Variants in BAZ2B observed in about 807,000 individuals in gnomAD.
BAZ2B encodes bromodomain adjacent to zinc finger domain 2B.
A neutral mutation model predicts 246.0 loss-of-function variants in BAZ2B; 91 were observed. The observed-to-expected ratio is 0.37, with a 90% CI of 0.31 to 0.44. BAZ2B has a LOEUF of 0.44. Ranked by LOEUF, BAZ2B falls within the 20% of genes least tolerant of loss-of-function variation. BAZ2B has a pLI of 1.00. For synonymous variants in BAZ2B, 855 were observed against 860.0 expected (o/e 0.99, Z 0.10); for missense variants, 2,332 against 2,533.7 (o/e 0.92, Z 1.71).
chr2:159,677,404 T>G, the BAZ2B span, among the ~76,000 whole-genome samples: 1 of 152,146 alleles, frequency 6.6e-6, no homozygotes, highest in Non-Finnish European at 1.5e-5. Flanking sequence ...TCTAATTATA[T>G]GTAGAAGACA....
chr2:159,617,219 TA>T (rs1238360255), upstream of BAZ2B: 1 of 152,084 alleles, frequency 6.6e-6, no homozygotes, highest in Non-Finnish European at 1.5e-5. Context: ...AAGTTATGAG[TA>T]AGACTGGTAG....
chr2:159,352,826 C>T (rs1321554287), intron 27 of BAZ2B, among the ~76,000 whole-genome samples: 1 of 152,120 alleles, frequency 6.6e-6, no homozygotes, highest in Non-Finnish European at 1.5e-5. Context: ...AAATGCTTAG[C>T]ATGGTGGCCA....
the BAZ2B span, among the ~76,000 whole-genome samples, chr2:159,641,349 GC>G: frequency 8.5e-5 from 13 of 152,092 alleles, no homozygotes; most frequent in Admixed American, 7.9e-4. Context: ...TGATTGTTGG[GC>G]CACATGTATG....
At chr2:159,318,810 C>T (rs191888755), downstream of BAZ2B, among the ~76,000 whole-genome samples, 77 of 152,162 alleles carry the variant, frequency 5.1e-4, no homozygotes, top group African/African-American at 1.8e-3. Context: ...TTTCAGGCTA[C>T]AGAAGTTTGG....
At chr2:159,418,785 GCTTCC>G (rs1199330984) in intron 13 of BAZ2B, among the ~76,000 whole-genome samples, 3 of 152,182 alleles carry the variant, frequency 2.0e-5, no homozygotes, top group Admixed American at 6.5e-5. Flanking sequence ...TAGATGCCCA[GCTTCC>G]CAAGTTAACA....
chr2:159,549,318 A>T (rs2087807712), intron 2 of BAZ2B, among the ~76,000 whole-genome samples: 1 of 152,036 alleles, frequency 6.6e-6, no homozygotes. Flanking sequence ...AAACTAAAAC[A>T]TTTACATGTC....
chr2:159,471,746 A>C (rs990183201), intron 3 of BAZ2B, among the ~76,000 whole-genome samples: 4 of 152,234 alleles, frequency 2.6e-5, no homozygotes, highest in Non-Finnish European at 4.4e-5. Context: ...AGTCCTTTAT[A>C]ATCTTTAATA....
chr2:159,673,252 T>A, the BAZ2B span, among the ~76,000 whole-genome samples: 1 of 152,126 alleles, frequency 6.6e-6, no homozygotes, highest in Non-Finnish European at 1.5e-5. Flanking sequence ...CTTAAACATA[T>A]GAAAATACAT....
At chr2:159,586,107 TACA>T (rs896865876) in intron 1 of BAZ2B, among the ~76,000 whole-genome samples, 48 of 152,346 alleles carry the variant, frequency 3.2e-4, no homozygotes, top group African/African-American at 1.1e-3. Flanking sequence ...CTAATTATTT[TACA>T]ACATCAGCTT....
At chr2:159,348,225 C>G (rs2058168087) in intron 30 of BAZ2B, among the ~76,000 whole-genome samples, 1 of 144,496 alleles carries the variant, frequency 6.9e-6, no homozygotes, top group Non-Finnish European at 1.5e-5. Flanking sequence ...AAGGCTGAGG[C>G]AGGAAGATTG....
chr2:159,703,566 A>G, the BAZ2B span, among the ~76,000 whole-genome samples: 1 of 152,210 alleles, frequency 6.6e-6, no homozygotes, highest in East Asian at 1.9e-4. Context: ...CGCTGAGTTA[A>G]ATATCCTTTA....
At chr2:159,325,115 TTTTATATATATATATATATATA>T (rs2063469283) in intron 35 of BAZ2B, among the ~76,000 whole-genome samples, 161 bp from the exon 36 acceptor site, 3 of 3,314 alleles carry the variant, frequency 9.1e-4, no homozygotes, top group African/African-American at 8.2e-4. Flanking sequence ...TATATATATA[TTTTATATATATATATATATATA>T]TATATATATA....
chr2:159,356,266 G>T (rs2059101604), intron 27 of BAZ2B, among the ~76,000 whole-genome samples: 3 of 152,238 alleles, frequency 2.0e-5, no homozygotes, highest in African/African-American at 7.2e-5. Context: ...AAGCACAGCA[G>T]TCTGAAGTCG....
At chr2:159,386,204 T>C (rs1037532400) in intron 22 of BAZ2B, 149 bp downstream of exon 22, 12 of 913,236 alleles carry the variant, frequency 1.3e-5, no homozygotes, top group Admixed American at 3.1e-5. Flanking sequence ...GTATGAAGTG[T>C]AACCTGACAC....
chr2:159,684,278 A>C, the BAZ2B span, among the ~76,000 whole-genome samples: 1 of 152,226 alleles, frequency 6.6e-6, no homozygotes, highest in African/African-American at 2.4e-5. Flanking sequence ...ATGAACACTG[A>C]TGTGCAGCTT....
chr2:159,448,216 TACTTC>T, intron 5 of BAZ2B, 21 bp downstream of exon 5: 2 of 1,598,226 alleles, frequency 1.3e-6, no homozygotes, highest in Non-Finnish European at 1.7e-6. Flanking sequence ...AGATTTATAG[TACTTC>T]ACTTATGTAA....
At chr2:159,569,729 G>A (rs1030901443) in intron 1 of BAZ2B, among the ~76,000 whole-genome samples, 61 of 152,064 alleles carry the variant, frequency 4.0e-4, no homozygotes, top group African/African-American at 1.4e-3. Flanking sequence ...GGAGGCTGAG[G>A]TGATAGGAAT....
rs577427060 is a variant in BAZ2B, at chr2:159,375,481, TG to T, written c.4006-729del. ...AGGTAAGGTAGGAGATGAGGCAAGA[TG>T]AGTTTAAGGCTAGATTTTGAAGAGC... On this transcript the variant is annotated intron_variant, in intron 25 of 36. Transcript: ENST00000392783. 9.8e-5 allele frequency among the ~76,000 whole-genome samples: 15 copies of T among 152,308 alleles called. No homozygotes were observed. In the South Asian group the frequency reaches 2.1e-3, roughly 21 times the overall value.
chr2:159,358,360 CAAAG>C (rs145631184), intron 27 of BAZ2B, among the ~76,000 whole-genome samples: 5,432 of 152,126 alleles, frequency 0.036, 188 homozygotes, highest in African/African-American at 0.096. Context: ...TCAAAAGAGA[CAAAG>C]AAAGGCATTA....
Sources: allele counts gnomAD v4.1 joint callset (sites outside exome capture counted in the v4.1 genomes callset), GRCh38; gene constraint gnomAD v4.1.1; transcripts MANE v1.5; gene names NCBI Gene and HGNC (gene_info 2026-07-23, HGNC 2026-07-21).